Variants in RPH3AL observed in about 807,000 individuals in gnomAD.
RPH3AL encodes rab effector Noc2.
In RPH3AL, 38 loss-of-function variants were observed where a neutral mutation model predicts 43.1. The ratio of observed to expected loss-of-function variants is 0.88; its 90% CI spans 0.68 to 1.15. RPH3AL has a LOEUF of 1.15. RPH3AL is among the 50% of genes most tolerant of loss of function. RPH3AL has a pLI of 0.00. For synonymous variants in RPH3AL, 189 were observed against 176.3 expected, an observed-to-expected ratio of 1.07 and a Z score of -0.57; for missense variants, 462 against 423.2, an observed-to-expected ratio of 1.09 and a Z score of -0.81.
chr17:219,761 G>A (rs1176689027), intron 7 of RPH3AL, 25 bp from the exon 8 acceptor site: 3 of 1,576,394 alleles, frequency 1.9e-6, no homozygotes, highest in Non-Finnish European at 2.6e-6. Flanking sequence ...CCACAGCACA[G>A]GAGGTCACCC....
intron 6 of RPH3AL, among the ~76,000 whole-genome samples, chr17:273,059 CA>C (rs2042541917): frequency 6.8e-6 from 1 of 146,354 alleles, no homozygotes; most frequent in Non-Finnish European, 1.5e-5. Flanking sequence ...GGAGAGACCC[CA>C]GCGAGGGCGA....
chr17:285,213 C>G (rs958658570), intron 5 of RPH3AL, among the ~76,000 whole-genome samples: 1 of 152,164 alleles, frequency 6.6e-6, no homozygotes, highest in African/African-American at 2.4e-5. Flanking sequence ...GAGCCTGCAC[C>G]TCACGCCATC....
chr17:291,973 A>G (rs1429087116), intron 5 of RPH3AL, among the ~76,000 whole-genome samples: 1 of 152,242 alleles, frequency 6.6e-6, no homozygotes, highest in Middle Eastern at 3.2e-3. Context: ...CAGAATTCCT[A>G]TTTAAAGGAA....
chr17:273,665 G>T (rs930987350), intron 6 of RPH3AL, among the ~76,000 whole-genome samples: 1 of 152,270 alleles, frequency 6.6e-6, no homozygotes, highest in Non-Finnish European at 1.5e-5. Context: ...ACAGGGAAAA[G>T]ATTCTGAAGA....
intron 5 of RPH3AL, among the ~76,000 whole-genome samples, chr17:301,635 C>T (rs555220376): frequency 2.7e-4 from 41 of 152,116 alleles, no homozygotes; most frequent in African/African-American, 8.9e-4. Context: ...AACAGGGTCT[C>T]GCTTTATTGC....
chr17:258,207 C>A (rs1228036617), intron 6 of RPH3AL, among the ~76,000 whole-genome samples: 3 of 152,166 alleles, frequency 2.0e-5, no homozygotes, highest in Non-Finnish European at 4.4e-5. Flanking sequence ...CTGTCTCCCC[C>A]ACCAGGCTCC....
At chr17:332,692 CAAG>C (rs2044815490) in intron 2 of RPH3AL, 3 of 241,450 alleles carry the variant, frequency 1.2e-5, no homozygotes, top group African/African-American at 6.7e-5. Flanking sequence ...GTTTGTCCCT[CAAG>C]ATTCCCCACG....
chr17:218,439 TTTC>T (rs1371289139), intron 8 of RPH3AL, among the ~76,000 whole-genome samples: 4 of 69,514 alleles, frequency 5.8e-5, no homozygotes, highest in African/African-American at 2.1e-4. Context: ...TATGGAGCCC[TTTC>T]TTCTTCTGCA....
At chr17:273,904 T>C (rs1307015170) in intron 6 of RPH3AL, among the ~76,000 whole-genome samples, 1 of 152,136 alleles carries the variant, frequency 6.6e-6, no homozygotes, top group Non-Finnish European at 1.5e-5. Context: ...ATTGGTCTTC[T>C]TCACCCCTTT....
chr17:269,962 G>A (rs991155196), intron 6 of RPH3AL, among the ~76,000 whole-genome samples: 1 of 152,156 alleles, frequency 6.6e-6, no homozygotes, highest in African/African-American at 2.4e-5. Context: ...GACTGCCCTG[G>A]GGGCTGGTGA....
rs1005240371 is a variant in RPH3AL at position 225,180 on chromosome 17, A to T, written c.614-5444T>A. Among the ~76,000 whole-genome samples, 3 of 151,054 alleles carry T rather than the reference A, an allele frequency of 2.0e-5. No homozygotes were observed. The highest frequency in any genetic ancestry group is 4.4e-5 in the Non-Finnish European group (3 of 67,946). The stretch of plus-strand genomic sequence containing the variant: ...TGGCCTCTCCTTCCTCCATCTGCTC[A>T]GAGGCTCTGCCTTTTTCTGTCCTGC... On this transcript the variant is annotated intron_variant, in intron 7 of 9. Transcript: ENST00000331302. The surrounding 1 kb of genome is among the most constrained non-coding windows in gnomAD (Gnocchi z 4.4).
At chr17:317,392 C>G (rs1194713496) in intron 5 of RPH3AL, among the ~76,000 whole-genome samples, 5 of 151,560 alleles carry the variant, frequency 3.3e-5, no homozygotes, top group Non-Finnish European at 7.4e-5. Flanking sequence ...TGTGGCCCCA[C>G]GTCCATTGAC....
rs146568488 is a variant in RPH3AL, at chr17:345,250, A to G, written c.-213+7462T>C. ...AGCCATGATCGTGCCACTGCACTCC[A>G]GGCTGGGCTACAGAGTGAGACCCTG... is the stretch of plus-strand genomic sequence containing the variant. On this transcript the variant is annotated intron_variant, in intron 1 of 9. Transcript: ENST00000331302. Among the ~76,000 whole-genome samples the G allele has an allele frequency of 8.9e-5, 12 of 135,206 alleles. 4 individuals are homozygous for G. The highest frequency in any genetic ancestry group is 1.9e-4 in the Non-Finnish European group (11 of 59,180). 88.7% of individuals were successfully genotyped at this position (135,206 alleles called of 152,430 possible). A position where few individuals can be genotyped will look rare whatever the true frequency, so the allele number is the denominator to read the frequency against.
chr17:256,112 G>A (rs1190783105), intron 6 of RPH3AL, among the ~76,000 whole-genome samples: 107 of 4,300 alleles, frequency 0.025, 2 homozygotes, highest in Non-Finnish European at 0.043. Flanking sequence ...TACTTCCTAT[G>A]AGGGGAGCCG....
At chr17:259,802 TCAGCTCACGGCCAATCTGACTG>T (rs1168685026) in intron 6 of RPH3AL, among the ~76,000 whole-genome samples, 1 of 152,246 alleles carries the variant, frequency 6.6e-6, no homozygotes, top group African/African-American at 2.4e-5. Context: ...CATTACGGTT[TCAGCTCACGGCCAATCTGACTG>T]CAGATTCTCA....
chr17:311,169 G>A (rs72477017), intron 5 of RPH3AL, among the ~76,000 whole-genome samples: 2,898 of 152,266 alleles, frequency 0.019, 82 homozygotes, highest in East Asian at 0.081. Flanking sequence ...AAAGATCTCA[G>A]CTCTGCCCTC....
intron 5 of RPH3AL, among the ~76,000 whole-genome samples, chr17:308,257 A>C (rs2043551992): frequency 1.3e-5 from 2 of 152,134 alleles, no homozygotes; most frequent in South Asian, 4.1e-4. Context: ...TTGGAAAGGG[A>C]GTAGGGGACA....
intron 5 of RPH3AL, among the ~76,000 whole-genome samples, chr17:305,836 T>C (rs2151645483): frequency 6.6e-6 from 1 of 151,138 alleles, no homozygotes; most frequent in East Asian, 2.0e-4. Context: ...CCAGCCCCTT[T>C]CTTCCTTCCC....
Position 275,242 on chromosome 17 carries a change from C to CA in RPH3AL, c.438+6525dup, listed in dbSNP as rs1176532171. On this transcript the variant is annotated intron_variant, in intron 6 of 9. Transcript: ENST00000331302. ...CAATTATTCATAACAGCAAAAAAAA[C>CA]AAAAAACAAAAAAAGGAGAGTAACC... Among the ~76,000 whole-genome samples the CA allele has an allele frequency of 5.9e-4, 15 of 25,258 alleles. 1 individual carries two copies. Among genetic ancestry groups the CA allele is most frequent in the African/African-American group, 1.1e-3 (15 of 14,150 alleles). The allele number at this position is 25,258 out of a possible 152,430, so 16.6% of individuals were successfully genotyped here. A position where few individuals can be genotyped will look rare whatever the true frequency, so the allele number is the denominator to read the frequency against.
Sources: allele counts gnomAD v4.1 joint callset (sites outside exome capture counted in the v4.1 genomes callset), GRCh38; gene constraint gnomAD v4.1.1; non-coding constraint Gnocchi (gnomAD v3.1); transcripts MANE v1.5; gene names NCBI Gene and HGNC (gene_info 2026-07-23, HGNC 2026-07-21).